Variants in ITSN2 observed in about 807,000 individuals in gnomAD.
ITSN2 encodes intersectin 2.
A neutral mutation model predicts 243.7 loss-of-function variants in ITSN2; 156 were observed. The observed-to-expected ratio is 0.64, with a 90% confidence interval of 0.56 to 0.73. The LOEUF is 0.73. Ranked by LOEUF, ITSN2 falls within the 30% of genes least tolerant of loss-of-function variation. The probability of loss-of-function intolerance (pLI) is 0.00; values close to 1 mark genes in which losing one functional copy is unlikely to be tolerated. For synonymous variants in ITSN2, 703 were observed against 699.9 expected (o/e 1.00, Z -0.07); for missense variants, 1,801 against 1,996.1 (o/e 0.90, Z 1.86).
intron 23 of ITSN2, among the ~76,000 whole-genome samples, chr2:24,256,531 T>C (rs1194747901): frequency 6.6e-6 from 1 of 152,238 alleles, no homozygotes; most frequent in Non-Finnish European, 1.5e-5. Flanking sequence ...CCCATAGCTA[T>C]ATTATAGTAC....
intron 37 of ITSN2, chr2:24,206,165 A>G (rs767586744): frequency 2.8e-6 from 1 of 354,346 alleles, no homozygotes; most frequent in Non-Finnish European, 5.7e-6. Context: ...TGAAATGATC[A>G]ATCATTGATT....
chr2:24,302,154 T>C (rs1008236328), intron 9 of ITSN2, 52 bp from the exon 10 acceptor site: 15 of 1,279,788 alleles, frequency 1.2e-5, no homozygotes, highest in African/African-American at 1.6e-5. Flanking sequence ...TGGAGTAAAA[T>C]ATTGCCTTAA....
intron 37 of ITSN2, among the ~76,000 whole-genome samples, chr2:24,207,133 C>T (rs1668975498): frequency 6.6e-6 from 1 of 152,176 alleles, no homozygotes; most frequent in East Asian, 1.9e-4. Flanking sequence ...GAAGATACTT[C>T]AGCAGGAAGA....
rs771306107 is a variant in ITSN2, at chr2:24,261,588, G to C, written c.2510C>G (p.Ser837Cys). 6.2e-7 allele frequency: 1 copy of C among 1,612,720 alleles called. No individual in the cohort carries two copies. Among genetic ancestry groups the C allele is most frequent in the Non-Finnish European group, 8.5e-7 (1 of 1,179,486 alleles). Residue 837 changes from serine to cysteine, a missense_variant, in exon 21 of 40, where the codon TCT (serine) becomes TGT (cysteine). Ser to Cys is a moderately radical substitution (Grantham distance 112). Coordinates refer to ENST00000355123, the MANE Select transcript of ITSN2 (RefSeq NM_006277.3). ...PKKALLPPTV[S>C]LSATSTSSEP... is the part of the protein sequence containing the mutation. ...AGAGGAAGTTGAGGTAGCAGATAAA[G>C]AAACTGTAGGAGGAAGTAAGGCCTT...
At chr2:24,246,715 C>T (rs1300899949) in intron 28 of ITSN2, 82 bp downstream of exon 28, 17 of 818,564 alleles carry the variant, frequency 2.1e-5, no homozygotes, top group Non-Finnish European at 3.1e-5. Flanking sequence ...TTAATGTTTT[C>T]CAAAGATTGA....
chr2:24,261,156 C>A lies in ITSN2; in HGVS notation c.2632G>T (p.Ala878Ser). 1 of 1,613,716 alleles carries A rather than the reference C, an allele frequency of 6.2e-7. No homozygotes were observed. The highest frequency in any genetic ancestry group is 8.5e-7 in the Non-Finnish European group (1 of 1,179,690). ...CCAGGGGACACAGTTCGAGTGAAGGCTGATTTTTTCTGCCATGATGTATTT... is the reference window on the plus strand; with the variant it reads ...CCAGGGGACACAGTTCGAGTGAAGGATGATTTTTTCTGCCATGATGTATTT... ...TVNTSWQKKS[A>S]FTRTVSPGSV... The change falls in exon 22 of 40, where the codon GCC (alanine) becomes TCC (serine). Residue 878 changes from alanine to serine, a missense_variant. Physicochemically the swap from Ala to Ser is moderately conservative, Grantham distance 99 (BLOSUM62 1). Around this residue, in one of 5 missense-constraint regions of ITSN2, gnomAD observed 928 missense variants for 1,065.4 expected, o/e 0.87. Transcript: ENST00000355123.
Position 24,205,313 on chromosome 2 carries a change from A to ACAAGT in ITSN2, c.4679-21_4679-17dup, listed in dbSNP as rs773049362. 2.9e-5 allele frequency: 46 copies of ACAAGT among 1,606,854 alleles called. No individual in the cohort carries two copies. The highest frequency in any genetic ancestry group is 4.4e-5 in the South Asian group (4 of 90,924). On this transcript the variant is annotated splice_polypyrimidine_tract_variant and intron_variant, in intron 37 of 39. Coordinates refer to ENST00000355123, the MANE Select transcript of ITSN2 (RefSeq NM_006277.3). The stretch of plus-strand genomic sequence containing the variant: ...TGGGAGCGGGCTACAAAAGAGGAAG[A>ACAAGT]CAAGTCTCATTAATCTCTTCTCCAA...
chr2:24,358,787 C>G (rs1352996807), intron 1 of ITSN2, among the ~76,000 whole-genome samples: 1 of 152,164 alleles, frequency 6.6e-6, no homozygotes, highest in Non-Finnish European at 1.5e-5. Flanking sequence ...ATGCCTAACA[C>G]ACCTCCTCAT....
intron 29 of ITSN2, among the ~76,000 whole-genome samples, chr2:24,245,203 T>G (rs1673192572): frequency 6.6e-6 from 1 of 152,150 alleles, no homozygotes. Flanking sequence ...GAGAGATAAT[T>G]TTATATAGTA....
rs1372630752 is a variant in ITSN2, at chr2:24,204,838, A to C, written c.4762+376T>G. 1 of 425,058 alleles carries C rather than the reference A, an allele frequency of 2.4e-6. No individual in the cohort carries two copies. Among genetic ancestry groups the C allele is most frequent in the East Asian group, 6.9e-5 (1 of 14,482 alleles). 26.3% of individuals were successfully genotyped at this position (425,058 alleles called of 1,614,324 possible). A position where few individuals can be genotyped will look rare whatever the true frequency, so the allele number is the denominator to read the frequency against. On this transcript the variant is annotated intron_variant, in intron 38 of 39. Transcript: ENST00000355123. This position sits in a 1 kb window ranked among gnomAD's most constrained non-coding sequence, Gnocchi z 5.1. ...AAGCATTCCTTTATTCAGTGTTCAG[A>C]AGAGTCATCAGTGGCTGGGCGCAGT...
Position 24,249,112 on chromosome 2 carries a change from G to A in ITSN2, c.3121-230C>T, listed in dbSNP as rs774217665. ...ACATTATATACGAGTGGCTGTCATC[G>A]TCAACCATTGACTCAACAGGAAGAG... On this transcript the variant is annotated intron_variant, in intron 25 of 39. Transcript: ENST00000355123. This position sits in a 1 kb window ranked among gnomAD's most constrained non-coding sequence, Gnocchi z 4.4. Among the ~76,000 whole-genome samples, 10 of 152,260 alleles carry A rather than the reference G, an allele frequency of 6.6e-5. No individual in the cohort carries two copies. The highest frequency in any genetic ancestry group is 3.9e-4 in the Admixed American group (6 of 15,300).
At chr2:24,260,881 G>A (rs974367016) in intron 22 of ITSN2, among the ~76,000 whole-genome samples, 3 of 123,746 alleles carry the variant, frequency 2.4e-5, no homozygotes, top group Non-Finnish European at 4.7e-5. Context: ...TCCAGCCTGG[G>A]CAACAGAGTG....
chr2:24,298,611 C>G (rs975949684), intron 13 of ITSN2, 54 bp downstream of exon 13: 4 of 1,524,730 alleles, frequency 2.6e-6, no homozygotes, highest in Non-Finnish European at 3.5e-6. Flanking sequence ...TTACATTTTT[C>G]AACAGGTAGC....
At chr2:24,235,989 ACTC>A (rs1411092332) in intron 29 of ITSN2, among the ~76,000 whole-genome samples, 2 of 152,184 alleles carry the variant, frequency 1.3e-5, no homozygotes, top group African/African-American at 4.8e-5. Context: ...TGGGAATTCT[ACTC>A]CTAGATATAT....
At chr2:24,288,418 T>C (rs1188328356) in intron 15 of ITSN2, among the ~76,000 whole-genome samples, 1 of 152,116 alleles carries the variant, frequency 6.6e-6, no homozygotes, top group Non-Finnish European at 1.5e-5. Context: ...TGTATGCATG[T>C]TGTTTTAAAA....
chr2:24,266,608 T>C (rs1676683612), intron 20 of ITSN2, among the ~76,000 whole-genome samples: 1 of 152,084 alleles, frequency 6.6e-6, no homozygotes, highest in Admixed American at 6.5e-5. Flanking sequence ...AATATTATCC[T>C]GTAAATCTAG....
At chr2:24,292,314 G>C (rs1680360700) in intron 15 of ITSN2, among the ~76,000 whole-genome samples, 1 of 152,058 alleles carries the variant, frequency 6.6e-6, no homozygotes, top group African/African-American at 2.4e-5. Context: ...AATTCAAATA[G>C]GAACAATGAC....
At chr2:24,295,281 A>C (rs777087213) in intron 14 of ITSN2, among the ~76,000 whole-genome samples, 1 of 152,182 alleles carries the variant, frequency 6.6e-6, no homozygotes, top group Middle Eastern at 3.4e-3. Flanking sequence ...TTGACCCCCA[A>C]AACAAAACTC....
intron 1 of ITSN2, among the ~76,000 whole-genome samples, chr2:24,359,075 C>T (rs1221747331): frequency 6.6e-6 from 1 of 152,158 alleles, no homozygotes; most frequent in African/African-American, 2.4e-5. Context: ...ACAAGAGAGT[C>T]ACAGGCACAG....
Sources: allele counts gnomAD v4.1 joint callset (sites outside exome capture counted in the v4.1 genomes callset), GRCh38; gene constraint gnomAD v4.1.1; regional missense constraint gnomAD v4.1.1; non-coding constraint Gnocchi (gnomAD v3.1); transcripts MANE v1.5; gene names NCBI Gene and HGNC (gene_info 2026-07-23, HGNC 2026-07-21).